The following EDIL3 variants were observed in gnomAD, a reference collection of about 807,000 sequenced individuals.
EDIL3 encodes EGF-like repeat and discoidin I-like domain-containing protein 3.
A neutral mutation model predicts 67.4 loss-of-function variants in EDIL3; 37 were observed. The ratio of observed to expected loss-of-function variants is 0.55; its 90% CI spans 0.42 to 0.72. The LOEUF (loss-of-function observed/expected upper bound fraction) is 0.72. EDIL3 is among the 30% of genes least tolerant of loss of function. The probability of loss-of-function intolerance (pLI) is 0.00; values close to 1 mark genes in which losing one functional copy is unlikely to be tolerated. For synonymous variants in EDIL3, 195 were observed against 196.3 expected (o/e 0.99, Z 0.05); for missense variants, 527 against 586.3 (o/e 0.90, Z 1.04).
chr5:84,048,974 C>T (rs574779031), intron 9 of EDIL3, among the ~76,000 whole-genome samples: 5 of 152,182 alleles, frequency 3.3e-5, no homozygotes, highest in African/African-American at 1.2e-4. Context: ...TTTGTCTAAT[C>T]TGAGCAGAAG....
chr5:84,254,129 G>T lies in EDIL3; in HGVS notation c.151C>A (p.Pro51Thr), dbSNP rs1745082795. ...LADGSFSCECPDGFTDPNCSS... is the reference protein window; with the variant it reads ...LADGSFSCECTDGFTDPNCSS... ...CAGTTGGGGTCTGTGAAGCCATCTGGACACTCACAGGAAAAGGAACCATCA... is the reference window on the plus strand; with the variant it reads ...CAGTTGGGGTCTGTGAAGCCATCTGTACACTCACAGGAAAAGGAACCATCA... Residue 51 changes from proline to threonine, a missense_variant, in exon 2 of 11, where the codon CCA (proline) becomes ACA (threonine). By Grantham distance (38) the Pro-to-Thr change is conservative (BLOSUM62 -1). This residue lies in a region of EDIL3 where 494 missense variants were observed against 522.5 expected (regional missense o/e 0.95). Coordinates refer to ENST00000296591, the MANE Select transcript of EDIL3 (RefSeq NM_005711.5). 1 of 1,612,604 alleles carries T rather than the reference G, an allele frequency of 6.2e-7. No homozygotes were observed. Among genetic ancestry groups the T allele is most frequent in the African/African-American group, 1.3e-5 (1 of 74,802 alleles).
At chr5:84,262,453 C>T (rs1416108866) in intron 1 of EDIL3, among the ~76,000 whole-genome samples, 1 of 151,874 alleles carries the variant, frequency 6.6e-6, no homozygotes, top group Admixed American at 6.6e-5. Flanking sequence ...TGTTAATTCA[C>T]TGAGTTAAGA....
chr5:84,074,038 A>C lies in EDIL3; in HGVS notation c.652-7432T>G, dbSNP rs59141532. On this transcript the variant is annotated intron_variant, in intron 6 of 10. Coordinates refer to ENST00000296591, the MANE Select transcript of EDIL3 (RefSeq NM_005711.5). Reference sequence around the variant, plus strand: ...GAACAGAACAGAGCCCTCAGAAATAATGCCGCATATCTACAACTATCTGAT... The same window carrying C: ...GAACAGAACAGAGCCCTCAGAAATACTGCCGCATATCTACAACTATCTGAT... Among the ~76,000 whole-genome samples, 208 of 152,140 alleles carry C rather than the reference A, an allele frequency of 1.4e-3. 1 individual carries two copies. The highest frequency in any genetic ancestry group is 4.8e-3 in the African/African-American group (200 of 41,486).
intron 9 of EDIL3, among the ~76,000 whole-genome samples, chr5:83,973,185 G>A (rs1744821725): frequency 6.6e-6 from 1 of 152,014 alleles, no homozygotes; most frequent in Admixed American, 6.6e-5. Flanking sequence ...ATTTTGATTA[G>A]TCTGGGGACT....
intron 3 of EDIL3, among the ~76,000 whole-genome samples, chr5:84,213,886 C>T (rs1198970769): frequency 6.6e-6 from 1 of 152,056 alleles, no homozygotes; most frequent in Non-Finnish European, 1.5e-5. Flanking sequence ...AATAACAATG[C>T]AATAATGAGG....
chr5:84,306,236 C>G (rs1240857780), intron 1 of EDIL3, among the ~76,000 whole-genome samples: 2 of 152,124 alleles, frequency 1.3e-5, no homozygotes, highest in Non-Finnish European at 2.9e-5. Flanking sequence ...AAGCTAAGCA[C>G]TAAGCACTGG....
intron 6 of EDIL3, among the ~76,000 whole-genome samples, chr5:84,104,503 T>C (rs1269276233): frequency 6.6e-6 from 1 of 152,028 alleles, no homozygotes; most frequent in African/African-American, 2.4e-5. Context: ...AAAAATTTAT[T>C]GAATAACAAT....
intron 7 of EDIL3, among the ~76,000 whole-genome samples, chr5:84,065,841 C>T (rs189241227): frequency 0.014 from 2,128 of 152,010 alleles, 18 homozygotes; most frequent in Middle Eastern, 0.055. Context: ...ATCAGCCGGG[C>T]GCGGTGGCTC....
intron 1 of EDIL3, among the ~76,000 whole-genome samples, chr5:84,259,852 C>T (rs998359430): frequency 2.6e-5 from 4 of 152,048 alleles, no homozygotes. Flanking sequence ...CTTGGTATTG[C>T]AGAAGACAAT....
At chr5:84,358,314 T>C (rs1384785688) in intron 1 of EDIL3, among the ~76,000 whole-genome samples, 2 of 152,144 alleles carry the variant, frequency 1.3e-5, no homozygotes, top group Non-Finnish European at 2.9e-5. Context: ...AATAACTAAA[T>C]CCAGGTCACC....
At chr5:84,000,506 A>G (rs1046228977) in intron 9 of EDIL3, among the ~76,000 whole-genome samples, 1 of 152,142 alleles carries the variant, frequency 6.6e-6, no homozygotes, top group African/African-American at 2.4e-5. Flanking sequence ...CTGTTGAAAA[A>G]TAATAGGTTG....
chr5:84,122,609 A>C (rs1747798437), intron 5 of EDIL3, among the ~76,000 whole-genome samples: 1 of 151,898 alleles, frequency 6.6e-6, no homozygotes, highest in Admixed American at 6.6e-5. Flanking sequence ...ACCCAGGTAC[A>C]TCTATTACCA....
chr5:84,284,427 C>T (rs796977150), intron 1 of EDIL3, among the ~76,000 whole-genome samples: 1 of 152,034 alleles, frequency 6.6e-6, no homozygotes, highest in African/African-American at 2.4e-5. Context: ...TTACTGGTCC[C>T]CTGTGCCTCC....
chr5:84,041,267 C>T (rs1580294468), intron 9 of EDIL3, among the ~76,000 whole-genome samples: 1 of 151,866 alleles, frequency 6.6e-6, no homozygotes, highest in Non-Finnish European at 1.5e-5. Flanking sequence ...CAAAAATGCA[C>T]ATTTCTATGC....
intron 9 of EDIL3, among the ~76,000 whole-genome samples, chr5:83,998,579 G>A (rs1745273912): frequency 6.6e-6 from 1 of 152,160 alleles, no homozygotes; most frequent in Admixed American, 6.5e-5. Flanking sequence ...AAAGCACTTT[G>A]TCTTGCAATG....
intron 3 of EDIL3, among the ~76,000 whole-genome samples, chr5:84,209,627 A>C (rs1284653524): frequency 8.6e-6 from 1 of 115,940 alleles, no homozygotes. Context: ...AGGATTAACT[A>C]AACTTATTAA....
chr5:84,147,680 C>T (rs544105124), intron 4 of EDIL3, among the ~76,000 whole-genome samples: 3 of 151,862 alleles, frequency 2.0e-5, no homozygotes, highest in African/African-American at 7.2e-5. Flanking sequence ...ATAAAACCTT[C>T]AGTTCACCAA....
At chr5:84,345,251 T>A (rs1010869787) in intron 1 of EDIL3, among the ~76,000 whole-genome samples, 2 of 152,146 alleles carry the variant, frequency 1.3e-5, no homozygotes, top group African/African-American at 4.8e-5. Flanking sequence ...CCCTCCTGAT[T>A]TGAGACATCC....
chr5:84,102,558 A>C (rs1322789927), intron 6 of EDIL3, among the ~76,000 whole-genome samples: 1 of 151,998 alleles, frequency 6.6e-6, no homozygotes, highest in Non-Finnish European at 1.5e-5. Context: ...TAGCAACCAC[A>C]GTCAAGCCAA....
Sources: allele counts gnomAD v4.1 joint callset (sites outside exome capture counted in the v4.1 genomes callset), GRCh38; gene constraint gnomAD v4.1.1; regional missense constraint gnomAD v4.1.1; transcripts MANE v1.5; gene names NCBI Gene and HGNC (gene_info 2026-07-23, HGNC 2026-07-21).